GRM8: variants seen among roughly 807,000 people sequenced by gnomAD.
GRM8 encodes metabotropic glutamate receptor 8.
GRM8 carries 47 observed loss-of-function variants against 87.2 expected under a neutral mutation model. The observed-to-expected ratio is 0.54, with a 90% CI of 0.43 to 0.69. GRM8 has a LOEUF of 0.69. Ranked by LOEUF, GRM8 falls within the 30% of genes least tolerant of loss-of-function variation. The pLI is 0.00. For missense variants in GRM8, 1,019 were observed against 1,139.2 expected (o/e 0.89, Z 1.52); for synonymous variants, 396 against 404.5 (o/e 0.98, Z 0.25).
At chr7:126,648,411 T>C (rs944639678) in intron 7 of GRM8, among the ~76,000 whole-genome samples, 6 of 152,204 alleles carry the variant, frequency 3.9e-5, no homozygotes, top group Non-Finnish European at 8.8e-5. Context: ...TTATGCCTAA[T>C]GTAGTGCCAG....
intron 8 of GRM8, among the ~76,000 whole-genome samples, chr7:126,580,082 A>T (rs1489642717): frequency 6.6e-6 from 1 of 152,164 alleles, no homozygotes; most frequent in African/African-American, 2.4e-5. Flanking sequence ...ATTCACTAAT[A>T]ATTCAAATGG....
intron 7 of GRM8, among the ~76,000 whole-genome samples, chr7:126,692,477 G>A (rs1470977928): frequency 6.6e-6 from 1 of 152,180 alleles, no homozygotes; most frequent in Non-Finnish European, 1.5e-5. Flanking sequence ...TAGATGATGT[G>A]TGTTAAAAAT....
intron 9 of GRM8, among the ~76,000 whole-genome samples, chr7:126,500,635 C>G (rs980360860): frequency 2.0e-5 from 3 of 151,942 alleles, no homozygotes; most frequent in Non-Finnish European, 4.4e-5. Context: ...GAAAAATATT[C>G]AGTTAAAATA....
At chr7:126,634,924 G>A (rs1038248023) in intron 7 of GRM8, among the ~76,000 whole-genome samples, 1 of 152,120 alleles carries the variant, frequency 6.6e-6, no homozygotes, top group African/African-American at 2.4e-5. Context: ...ACCATCCAAA[G>A]AGAGAAGGGT....
Position 127,243,418 on chromosome 7 carries a change from G to T in GRM8, c.-214C>A. 1.8e-6 allele frequency: 1 copy of T among 544,658 alleles called. No individual in the cohort carries two copies. The highest frequency in any genetic ancestry group is 3.2e-6 in the Non-Finnish European group (1 of 310,702). 33.7% of individuals were successfully genotyped at this position (544,658 alleles called of 1,614,324 possible). On this transcript the variant is annotated 5_prime_UTR_variant, in exon 2 of 11. Transcript: ENST00000339582. ...TTTTATTTCCTTATAAGATCAACTT[G>T]CCTGGAATGGTGCAAAAATTAGAAC...
intron 3 of GRM8, among the ~76,000 whole-genome samples, chr7:127,073,266 T>C (rs1176106884): frequency 6.6e-6 from 1 of 152,188 alleles, no homozygotes; most frequent in Non-Finnish European, 1.5e-5. Flanking sequence ...CCAGTGCCTC[T>C]GGATCACTCT....
intron 6 of GRM8, among the ~76,000 whole-genome samples, chr7:126,845,601 C>T (rs189471072): frequency 2.0e-5 from 3 of 152,226 alleles, no homozygotes; most frequent in African/African-American, 7.2e-5. Flanking sequence ...CACATTTGTA[C>T]AATCTCATAC....
At chr7:126,693,165 A>G (rs1161738056) in intron 7 of GRM8, among the ~76,000 whole-genome samples, 1 of 152,180 alleles carries the variant, frequency 6.6e-6, no homozygotes, top group African/African-American at 2.4e-5. Flanking sequence ...CGGGAAACCA[A>G]ATTGTCAACA....
intron 7 of GRM8, among the ~76,000 whole-genome samples, chr7:126,624,991 A>G (rs1432707760): frequency 1.3e-5 from 2 of 152,280 alleles, no homozygotes; most frequent in African/African-American, 4.8e-5. Context: ...ACAAACTTCT[A>G]TTCTGTTTGA....
chr7:126,444,996 A>ATG (rs1563012614), intron 10 of GRM8, among the ~76,000 whole-genome samples: 1 of 151,642 alleles, frequency 6.6e-6, no homozygotes, highest in African/African-American at 2.4e-5. Context: ...ACAAACAAAC[A>ATG]AACAAACAAA....
intron 3 of GRM8, among the ~76,000 whole-genome samples, chr7:126,996,367 A>C (rs1813175606): frequency 6.6e-6 from 1 of 152,090 alleles, no homozygotes; most frequent in South Asian, 2.1e-4. Context: ...CTAAATGATG[A>C]ACCAGTCAAA....
intron 9 of GRM8, among the ~76,000 whole-genome samples, chr7:126,454,156 G>T (rs901028637): frequency 3.3e-5 from 5 of 151,720 alleles, no homozygotes; most frequent in African/African-American, 1.2e-4. Flanking sequence ...AATTGTTTCA[G>T]GAACAAAATT....
chr7:126,790,830 C>T (rs557486023), intron 6 of GRM8, among the ~76,000 whole-genome samples: 1 of 152,074 alleles, frequency 6.6e-6, no homozygotes. Flanking sequence ...GACAGTAATG[C>T]CTGGTGACTG....
intron 2 of GRM8, among the ~76,000 whole-genome samples, chr7:127,172,704 G>A (rs145703846): frequency 0.033 from 3,768 of 115,670 alleles, 53 homozygotes; most frequent in East Asian, 0.058. Flanking sequence ...GCGAGACTCC[G>A]TCTCAAAAAA....
chr7:126,560,792 C>T (rs892660925), intron 8 of GRM8, among the ~76,000 whole-genome samples: 1 of 152,142 alleles, frequency 6.6e-6, no homozygotes, highest in African/African-American at 2.4e-5. Context: ...GACAGTATTG[C>T]TATTCAATAG....
intron 3 of GRM8, among the ~76,000 whole-genome samples, chr7:126,947,192 T>C (rs1459924747): frequency 1.3e-5 from 2 of 152,158 alleles, no homozygotes; most frequent in Non-Finnish European, 2.9e-5. Context: ...AACAACAAAT[T>C]GTCCATTAAC....
rs1469354095 is a variant in GRM8, at chr7:126,609,456, G to C, written c.1400C>G (p.Ala467Gly). ...TPVTFNENGDAPGRYDIFQYQ... is the reference protein window; with the variant it reads ...TPVTFNENGDGPGRYDIFQYQ... ...CTGGAAGATATCATAACGTCCAGGAGCATCTCCGTTTTCATTAAAAGTGAC... is the reference window on the plus strand; with the variant it reads ...CTGGAAGATATCATAACGTCCAGGACCATCTCCGTTTTCATTAAAAGTGAC... Residue 467 changes from alanine (A) to glycine (G), a missense_variant, in exon 8 of 11, where the codon GCT becomes GGT. Physicochemically the swap from Ala to Gly is moderately conservative, Grantham distance 60. Coordinates refer to ENST00000339582, the MANE Select transcript of GRM8 (RefSeq NM_000845.3). The C allele has an allele frequency of 5.6e-6, 9 of 1,610,924 alleles. No homozygotes were observed. Among genetic ancestry groups the C allele is most frequent in the Non-Finnish European group, 2.5e-6 (3 of 1,177,216 alleles).
chr7:126,723,956 G>A (rs530617682), intron 7 of GRM8, among the ~76,000 whole-genome samples: 1 of 152,238 alleles, frequency 6.6e-6, no homozygotes, highest in South Asian at 2.1e-4. Flanking sequence ...TGCACTCCTG[G>A]CCTCCAGGAG....
At chr7:127,185,717 T>A (rs1488283453) in intron 2 of GRM8, among the ~76,000 whole-genome samples, 1 of 152,160 alleles carries the variant, frequency 6.6e-6, no homozygotes, top group Admixed American at 6.5e-5. Flanking sequence ...AGAGAACTTG[T>A]TGCATTTGGG....
Sources: allele counts gnomAD v4.1 joint callset (sites outside exome capture counted in the v4.1 genomes callset), GRCh38; gene constraint gnomAD v4.1.1; transcripts MANE v1.5; gene names NCBI Gene and HGNC (gene_info 2026-07-23, HGNC 2026-07-21).